CACHD1: variants seen among roughly 807,000 people sequenced by gnomAD.
The protein encoded by CACHD1 is VWFA and cache domain-containing protein 1.
CACHD1 carries 71 observed loss-of-function variants against 138.7 expected under a neutral mutation model. The ratio of observed to expected loss-of-function variants is 0.51; its 90% CI spans 0.42 to 0.62. The LOEUF (loss-of-function observed/expected upper bound fraction) is 0.62, where lower values mean the gene tolerates loss of function less well. Among genes scored for constraint, CACHD1 ranks in the 20% least tolerant of loss-of-function variants. The pLI is 0.00. For missense variants in CACHD1, 1,389 were observed against 1,625.3 expected (o/e 0.85, Z 2.50); for synonymous variants, 578 against 591.5 (o/e 0.98, Z 0.33).
At chr1:64,500,982 G>T (rs172599) in intron 1 of CACHD1, among the ~76,000 whole-genome samples, 1 of 151,502 alleles carries the variant, frequency 6.6e-6, no homozygotes, top group Non-Finnish European at 1.5e-5. Context: ...CCATGAGGCA[G>T]AGGTCGCAGT....
At chr1:64,581,311 T>C (rs1280250089) in intron 2 of CACHD1, among the ~76,000 whole-genome samples, 2 of 152,218 alleles carry the variant, frequency 1.3e-5, no homozygotes, top group African/African-American at 4.8e-5. Flanking sequence ...AGTGTGATGA[T>C]AATGAATAGC....
rs1327025142 is a variant in CACHD1 at position 64,664,633 on chromosome 1, C to T, written c.2230C>T (p.Pro744Ser). 2 of 1,614,200 alleles carry T rather than the reference C, an allele frequency of 1.2e-6. No homozygotes were observed. The highest frequency in any genetic ancestry group is 1.7e-6 in the Non-Finnish European group (2 of 1,180,032). ...ATPNGVLRIY[P>S]GSLMDKAFDP... ...ACCCAATGGCGTCCTCAGAATTTAT[C>T]CTGGTTCCCTCATGGACAAAGCATT... The change falls in exon 15 of 27, where the codon CCT (proline) becomes TCT (serine). Residue 744 changes from proline to serine, a missense_variant. Physicochemically the swap from Pro to Ser is moderately conservative, Grantham distance 74 (BLOSUM62 -1). Around this residue, in one of 5 missense-constraint regions of CACHD1, gnomAD observed 1,000 missense variants for 1,114.7 expected, o/e 0.90. Coordinates refer to ENST00000651257, the MANE Select transcript of CACHD1 (RefSeq NM_020925.4).
intron 1 of CACHD1, among the ~76,000 whole-genome samples, chr1:64,499,871 T>G (rs1184989156): frequency 6.6e-6 from 1 of 152,230 alleles, no homozygotes; most frequent in African/African-American, 2.4e-5. Context: ...CTTGTGTGTT[T>G]TATGCATTTA....
chr1:64,641,976 A>G lies in CACHD1; in HGVS notation c.1156+7A>G, dbSNP rs749826411. 1 of 1,544,366 alleles carries G rather than the reference A, an allele frequency of 6.5e-7. No homozygotes were observed. Among genetic ancestry groups the G allele is most frequent in the Non-Finnish European group, 8.7e-7 (1 of 1,153,416 alleles). ...ACCTATGCCCTCATGAACGGTAGGT[A>G]GAGTTTCAAGATATTCCTTTCAGAT... On this transcript the variant is annotated splice_region_variant and intron_variant, in intron 8 of 26. Coordinates refer to ENST00000651257, the MANE Select transcript of CACHD1 (RefSeq NM_020925.4).
chr1:64,474,655 C>G (rs1246984824), intron 1 of CACHD1, among the ~76,000 whole-genome samples: 1 of 152,212 alleles, frequency 6.6e-6, no homozygotes, highest in Non-Finnish European at 1.5e-5. Context: ...TTTACATTCT[C>G]GAGGAGGAGA....
chr1:64,543,865 G>GTTT (rs1268142051), intron 1 of CACHD1, among the ~76,000 whole-genome samples: 3 of 58,238 alleles, frequency 5.2e-5, no homozygotes, highest in Admixed American at 2.5e-4. Context: ...CCTTTTCAGT[G>GTTT]CTTTTTTTTT....
intron 1 of CACHD1, among the ~76,000 whole-genome samples, chr1:64,472,058 T>C (rs1646148634): frequency 6.6e-6 from 1 of 152,218 alleles, no homozygotes; most frequent in Admixed American, 6.5e-5. Flanking sequence ...CTTCGAAAGA[T>C]TGAAGTTTCC....
At chr1:64,500,746 GAGAGAGA>G (rs1646334541) in intron 1 of CACHD1, among the ~76,000 whole-genome samples, 2 of 132,464 alleles carry the variant, frequency 1.5e-5, no homozygotes, top group Non-Finnish European at 3.2e-5. Flanking sequence ...GAGAGAGAGA[GAGAGAGA>G]GAGAGAGAGA....
chr1:64,603,503 G>C (rs1229769274), intron 4 of CACHD1, among the ~76,000 whole-genome samples: 1 of 151,966 alleles, frequency 6.6e-6, no homozygotes, highest in Non-Finnish European at 1.5e-5. Context: ...TTTTACATCT[G>C]TTATTTTAAA....
At chr1:64,674,773 T>TA (rs1178116669) in intron 19 of CACHD1, among the ~76,000 whole-genome samples, 1 of 152,204 alleles carries the variant, frequency 6.6e-6, no homozygotes, top group African/African-American at 2.4e-5. Context: ...AACTCTACAA[T>TA]ACCACTTTGG....
chr1:64,605,005 C>T (rs1238046880), intron 4 of CACHD1, among the ~76,000 whole-genome samples: 1 of 133,176 alleles, frequency 7.5e-6, no homozygotes, highest in Non-Finnish European at 1.6e-5. Flanking sequence ...CTTGCTCTGT[C>T]ACCCAGGCTG....
chr1:64,486,367 C>T lies in CACHD1; in HGVS notation c.198+15425C>T, dbSNP rs200403645. Among the ~76,000 whole-genome samples, 119 of 67,738 alleles carry T rather than the reference C, an allele frequency of 1.8e-3. No individual in the cohort carries two copies. In the South Asian group the frequency reaches 0.02, roughly 11 times the overall value. The allele number at this position is 67,738 out of a possible 152,430, so 44.4% of individuals were successfully genotyped here. A position where few individuals can be genotyped will look rare whatever the true frequency, so the allele number is the denominator to read the frequency against. ...GAGCGCGCGCACACACACACACACACATACACACACACACACACACACACA... is the reference window on the plus strand; with the variant it reads ...GAGCGCGCGCACACACACACACACATATACACACACACACACACACACACA... On this transcript the variant is annotated intron_variant, in intron 1 of 26. Transcript: ENST00000651257.
intron 2 of CACHD1, among the ~76,000 whole-genome samples, chr1:64,577,239 C>G (rs981340924): frequency 6.6e-6 from 1 of 152,134 alleles, no homozygotes; most frequent in African/African-American, 2.4e-5. Context: ...AGCCCCTGCT[C>G]CTGGCCCCTT....
chr1:64,472,239 TTCC>T (rs138505145), intron 1 of CACHD1, among the ~76,000 whole-genome samples: 3,288 of 152,124 alleles, frequency 0.022, 135 homozygotes, highest in African/African-American at 0.074. Context: ...TTCCTTCTTC[TTCC>T]TCCTCCTCCT....
intron 17 of CACHD1, among the ~76,000 whole-genome samples, 174 bp downstream of exon 17, chr1:64,671,860 G>T (rs1570470927): frequency 6.6e-6 from 1 of 152,020 alleles, no homozygotes; most frequent in Admixed American, 6.6e-5. Flanking sequence ...GTTTTTCTGA[G>T]ATGCATACTG....
intron 1 of CACHD1, among the ~76,000 whole-genome samples, chr1:64,493,727 C>A (rs1256108049): frequency 1.3e-5 from 2 of 152,122 alleles, no homozygotes; most frequent in African/African-American, 4.8e-5. Flanking sequence ...AGGCCCCCTG[C>A]CACTAATTTT....
intron 5 of CACHD1, among the ~76,000 whole-genome samples, chr1:64,630,006 G>A (rs1394957635): frequency 1.3e-5 from 2 of 152,154 alleles, no homozygotes; most frequent in East Asian, 3.9e-4. Context: ...GACATGACTT[G>A]AGATTCTACC....
chr1:64,583,159 T>A (rs1408949007), intron 3 of CACHD1, among the ~76,000 whole-genome samples: 1 of 152,236 alleles, frequency 6.6e-6, no homozygotes, highest in Non-Finnish European at 1.5e-5. Context: ...TAAATGATGC[T>A]TTGTTTCCAT....
At chr1:64,626,016 G>A (rs1204880707) in intron 4 of CACHD1, among the ~76,000 whole-genome samples, 1 of 152,182 alleles carries the variant, frequency 6.6e-6, no homozygotes, top group Non-Finnish European at 1.5e-5. Flanking sequence ...GCATAACCCT[G>A]TTTGGCTCTG....
Sources: gnomAD v4.1 joint callset for allele counts (sites outside exome capture counted in the v4.1 genomes callset) on GRCh38, gnomAD v4.1.1 for gene constraint, gnomAD v4.1.1 regional missense constraint, MANE v1.5 for transcripts, NCBI Gene and HGNC (gene_info 2026-07-23, HGNC 2026-07-21) for gene names.